The following CTNNA2 variants were observed in gnomAD, a reference collection of about 807,000 sequenced individuals.
The protein encoded by CTNNA2 is catenin alpha 2, also known as catenin alpha-2.
Under a neutral mutation model 101.0 loss-of-function variants are expected in CTNNA2, and 42 were observed. That is an observed-to-expected ratio of 0.42 (90% confidence interval 0.32 to 0.54). The LOEUF is 0.54. Among genes scored for constraint, CTNNA2 ranks in the 20% least tolerant of loss-of-function variants. The pLI, the probability that CTNNA2 is intolerant of heterozygous loss-of-function variation, is 0.14. For synonymous variants in CTNNA2, 450 were observed against 456.4 expected, an observed-to-expected ratio of 0.99 and a Z score of 0.18; for missense variants, 871 against 1,223.1, an observed-to-expected ratio of 0.71 and a Z score of 4.29.
At chr2:79,652,770 G>A (rs1180674662) in intron 2 of CTNNA2, among the ~76,000 whole-genome samples, 1 of 152,078 alleles carries the variant, frequency 6.6e-6, no homozygotes. Context: ...TTTGCCCTCT[G>A]GCTCCCCAAA....
At chr2:80,497,335 G>A (rs1005921189) in intron 9 of CTNNA2, among the ~76,000 whole-genome samples, 3 of 152,166 alleles carry the variant, frequency 2.0e-5, no homozygotes, top group African/African-American at 7.2e-5. Context: ...GCAAGGGAAA[G>A]AAATGTACCC....
At chr2:80,155,041 GC>G (rs1469285741) in intron 7 of CTNNA2, among the ~76,000 whole-genome samples, 1 of 152,166 alleles carries the variant, frequency 6.6e-6, no homozygotes, top group African/African-American at 2.4e-5. Flanking sequence ...ACTCTGTTTT[GC>G]ATTTCCTGGT....
intron 7 of CTNNA2, among the ~76,000 whole-genome samples, chr2:80,291,722 G>A (rs1675268651): frequency 6.6e-6 from 1 of 152,180 alleles, no homozygotes; most frequent in Non-Finnish European, 1.5e-5. Context: ...ACTATAGATA[G>A]CAAACAGCTC....
intron 2 of CTNNA2, among the ~76,000 whole-genome samples, chr2:79,311,429 A>AAAAC: frequency 6.7e-6 from 1 of 149,458 alleles, no homozygotes; most frequent in Non-Finnish European, 1.5e-5. Context: ...AAAAAAAAAA[A>AAAAC]AGAGGTGATT....
At chr2:79,997,463 C>A (rs1214195721) in intron 7 of CTNNA2, among the ~76,000 whole-genome samples, 1 of 152,092 alleles carries the variant, frequency 6.6e-6, no homozygotes, top group Non-Finnish European at 1.5e-5. Flanking sequence ...CCAAACCAAA[C>A]AAACCCTGCA....
chr2:79,762,106 A>T (rs1672826706), intron 3 of CTNNA2, among the ~76,000 whole-genome samples: 1 of 152,188 alleles, frequency 6.6e-6, no homozygotes, highest in Admixed American at 6.5e-5. Flanking sequence ...CTTTGGTCTT[A>T]ATTTCTCAGC....
At chr2:79,557,772 G>T (rs1046906082) in intron 1 of CTNNA2, among the ~76,000 whole-genome samples, 5 of 151,826 alleles carry the variant, frequency 3.3e-5, no homozygotes, top group African/African-American at 1.2e-4. Flanking sequence ...GAGATGAATT[G>T]GCTTCTCTGC....
At chr2:79,883,537 C>T (rs891707030) in intron 6 of CTNNA2, among the ~76,000 whole-genome samples, 1 of 152,034 alleles carries the variant, frequency 6.6e-6, no homozygotes, top group South Asian at 2.1e-4. Context: ...TTGAGATGGT[C>T]AATTTTAATC....
intron 16 of CTNNA2, among the ~76,000 whole-genome samples, chr2:80,606,407 CACA>C (rs1558638184): frequency 3.8e-5 from 4 of 104,210 alleles, no homozygotes; most frequent in East Asian, 2.5e-4. Context: ...CACACACACA[CACA>C]CACCCCCCAG....
At chr2:79,723,314 G>A (rs565152959) in intron 2 of CTNNA2, among the ~76,000 whole-genome samples, 1 of 152,310 alleles carries the variant, frequency 6.6e-6, no homozygotes, top group Admixed American at 6.5e-5. Flanking sequence ...TTGTGAAGAG[G>A]AACTTTTCAG....
intron 9 of CTNNA2, among the ~76,000 whole-genome samples, chr2:80,512,910 C>T (rs545186399): frequency 1.8e-4 from 27 of 152,112 alleles, no homozygotes; most frequent in African/African-American, 6.5e-4. Context: ...TGGCATCCAC[C>T]AAGAATCAAT....
intron 9 of CTNNA2, among the ~76,000 whole-genome samples, chr2:80,451,201 TCCCATAATC>T (rs1380221884): frequency 6.6e-6 from 1 of 152,062 alleles, no homozygotes; most frequent in East Asian, 1.9e-4. Context: ...GAATTGTATT[TCCCATAATC>T]CCCATGTCTC....
chr2:79,503,230 CA>C (rs1462101614), intron 4 of CTNNA2, among the ~76,000 whole-genome samples: 1 of 152,074 alleles, frequency 6.6e-6, no homozygotes, highest in African/African-American at 2.4e-5. Context: ...GTTGCAGGCA[CA>C]AGGGAAAATG....
chr2:79,506,157 G>A (rs1671408477), intron 5 of CTNNA2, among the ~76,000 whole-genome samples: 1 of 152,116 alleles, frequency 6.6e-6, no homozygotes, highest in Non-Finnish European at 1.5e-5. Flanking sequence ...AATAATGTGT[G>A]TGTGCATGTG....
At chr2:79,784,440 T>C (rs890252497) in intron 3 of CTNNA2, among the ~76,000 whole-genome samples, 2 of 151,004 alleles carry the variant, frequency 1.3e-5, no homozygotes, top group Non-Finnish European at 2.9e-5. Context: ...CCTTTGCCTG[T>C]ATCTTTCCTG....
At chr2:80,313,493 C>G in intron 7 of CTNNA2, 1 of 1,566,992 alleles carries the variant, frequency 6.4e-7, no homozygotes, top group Non-Finnish European at 8.6e-7. Flanking sequence ...TAAACAAGAG[C>G]TGTGGTTGAA....
At chr2:79,639,801 A>C (rs1680324298) in intron 1 of CTNNA2, among the ~76,000 whole-genome samples, 2 of 152,216 alleles carry the variant, frequency 1.3e-5, no homozygotes, top group Admixed American at 1.3e-4. Context: ...TAAAAGCTAC[A>C]TTTTAAAGAG....
At chr2:80,307,082 T>TAGA in intron 7 of CTNNA2, among the ~76,000 whole-genome samples, 1 of 149,380 alleles carries the variant, frequency 6.7e-6, no homozygotes, top group African/African-American at 2.4e-5. Flanking sequence ...ATATTTTCTA[T>TAGA]ATATTGCTTT....
chr2:79,786,235 G>GT (rs1674833069), intron 3 of CTNNA2, among the ~76,000 whole-genome samples: 3 of 151,712 alleles, frequency 2.0e-5, no homozygotes, highest in African/African-American at 7.3e-5. Flanking sequence ...AAGTAGACAT[G>GT]GTTTTTTTTT....
Sources: gnomAD v4.1 joint callset for allele counts (sites outside exome capture counted in the v4.1 genomes callset) on GRCh38, gnomAD v4.1.1 for gene constraint, MANE v1.5 for transcripts, NCBI Gene and HGNC (gene_info 2026-07-23, HGNC 2026-07-21) for gene names.